The following CACNA1C variants were observed in gnomAD, a reference collection of about 807,000 sequenced individuals.
CACNA1C encodes voltage-dependent L-type calcium channel subunit alpha-1C.
In CACNA1C, 30 loss-of-function variants were observed where a neutral mutation model predicts 229.0. The observed-to-expected ratio is 0.13, with a 90% CI of 0.10 to 0.18. The LOEUF (loss-of-function observed/expected upper bound fraction) is 0.18, where lower values mean the gene tolerates loss of function less well. CACNA1C is among the 10% of genes least tolerant of loss of function. The pLI is 1.00. For missense variants in CACNA1C, 1,658 were observed against 2,845.0 expected, an observed-to-expected ratio of 0.58 and a Z score of 9.49; for synonymous variants, 1,114 against 1,132.5, an observed-to-expected ratio of 0.98 and a Z score of 0.33.
intron 3 of CACNA1C, among the ~76,000 whole-genome samples, chr12:2,315,175 A>G (rs186322310): frequency 1.3e-3 from 199 of 152,280 alleles, no homozygotes; most frequent in Middle Eastern, 3.4e-3. Context: ...TTTTCCACAA[A>G]GTGCCTTATT....
At position 2,679,891 on chromosome 12, in the gene CACNA1C, C is replaced by T. The variant is rs1603450956; in HGVS notation, c.5444+95C>T. On this transcript the variant is annotated intron_variant, in intron 42 of 46. Coordinates refer to ENST00000399655, the MANE Select transcript of CACNA1C (RefSeq NM_000719.7). The surrounding 1 kb of genome is among the most constrained non-coding windows in gnomAD (Gnocchi z 5.5). ...AGGAGACGGAGGCCTCGGCCAGCCA[C>T]TTGTCCCTCAAGCTTCCAGGAGGTT... 4 of 901,478 alleles carry T rather than the reference C, an allele frequency of 4.4e-6. No individual in the cohort carries two copies. The Admixed American group carries it at 1.1e-4, about 25-fold the overall frequency. The allele number at this position is 901,478 out of a possible 1,614,324, so 55.8% of individuals were successfully genotyped here.
intron 3 of CACNA1C, among the ~76,000 whole-genome samples, chr12:2,380,159 T>A (rs1168102375): frequency 2.0e-5 from 3 of 152,166 alleles, no homozygotes; most frequent in Admixed American, 1.3e-4. Flanking sequence ...TGGCTGGGTG[T>A]CCCTTGTATC....
At chr12:2,385,750 A>G (rs1033331623) in intron 3 of CACNA1C, among the ~76,000 whole-genome samples, 2 of 152,156 alleles carry the variant, frequency 1.3e-5, no homozygotes, top group South Asian at 4.1e-4. Flanking sequence ...ACTCCTTAAC[A>G]TGGGCTACAA....
At chr12:2,556,829 G>GCCTCCTT in intron 10 of CACNA1C, 122 bp from the exon 11 acceptor site, 1 of 787,854 alleles carries the variant, frequency 1.3e-6, no homozygotes, top group Non-Finnish European at 2.3e-6. Context: ...TTCACACCAT[G>GCCTCCTT]CCTCCTTCCA....
chr12:2,518,436 G>A (rs1026747793), intron 9 of CACNA1C, among the ~76,000 whole-genome samples: 3 of 151,798 alleles, frequency 2.0e-5, no homozygotes, highest in Non-Finnish European at 1.5e-5. Flanking sequence ...GTGAAACCCC[G>A]TCTCTACTAA....
intron 38 of CACNA1C, among the ~76,000 whole-genome samples, chr12:2,670,586 C>A (rs2096509054): frequency 6.6e-6 from 1 of 152,048 alleles, no homozygotes; most frequent in Admixed American, 6.6e-5. Flanking sequence ...AGGGGCCAGG[C>A]GTGCTGGCTC....
intron 29 of CACNA1C, among the ~76,000 whole-genome samples, chr12:2,621,744 T>C (rs2083364915): frequency 6.6e-6 from 1 of 152,180 alleles, no homozygotes; most frequent in African/African-American, 2.4e-5. Flanking sequence ...CAGAGACGGC[T>C]CCGGGGTTCC....
At chr12:2,532,019 T>C (rs754354606) in intron 9 of CACNA1C, among the ~76,000 whole-genome samples, 7 of 152,178 alleles carry the variant, frequency 4.6e-5, no homozygotes, top group Non-Finnish European at 7.3e-5. Flanking sequence ...TGAGTGACAG[T>C]GGAAAGACAG....
At chr12:2,207,471 G>A (rs1158978781) in intron 3 of CACNA1C, among the ~76,000 whole-genome samples, 2 of 152,130 alleles carry the variant, frequency 1.3e-5, no homozygotes, top group East Asian at 1.9e-4. Flanking sequence ...TTAGGAAATT[G>A]GCTTTGAGTT....
intron 1 of CACNA1C, among the ~76,000 whole-genome samples, chr12:2,102,631 A>G (rs549395532): frequency 5.9e-5 from 9 of 152,126 alleles, no homozygotes; most frequent in Non-Finnish European, 1.3e-4. Context: ...CATGTGCAGA[A>G]TGTGCTTGTT....
chr12:1,985,154 T>C (rs2037339633), intron 1 of CACNA1C, among the ~76,000 whole-genome samples: 1 of 152,198 alleles, frequency 6.6e-6, no homozygotes, highest in Admixed American at 6.5e-5. Context: ...ATCTATACAT[T>C]TGTCTCCTTC....
At position 2,301,676 on chromosome 12, in the gene CACNA1C, C is replaced by T. The variant is rs141379431; in HGVS notation, c.478-147300C>T. Among the ~76,000 whole-genome samples the T allele has an allele frequency of 4.7e-3, 719 of 152,234 alleles. 5 individuals are homozygous for T. The highest frequency in any genetic ancestry group is 0.014 in the Middle Eastern group (4 of 294). ...ACATAGTCCCTGTGAATGTTCTGGGCGACCTGTGACCCAGCCTGATCTCCT... is the reference window on the plus strand; with the variant it reads ...ACATAGTCCCTGTGAATGTTCTGGGTGACCTGTGACCCAGCCTGATCTCCT... On this transcript the variant is annotated intron_variant, in intron 3 of 46. Coordinates refer to ENST00000399655, the MANE Select transcript of CACNA1C (RefSeq NM_000719.7).
chr12:2,424,689 C>G (rs186878395), intron 3 of CACNA1C, among the ~76,000 whole-genome samples: 1 of 152,178 alleles, frequency 6.6e-6, no homozygotes, highest in African/African-American at 2.4e-5. Context: ...CTCCAGGACC[C>G]TTCTGCCTGC....
chr12:2,690,794 C>CG, intron 46 of CACNA1C, 106 bp from the exon 47 acceptor site: 1 of 1,156,644 alleles, frequency 8.6e-7, no homozygotes, highest in Non-Finnish European at 1.2e-6. Flanking sequence ...GCACACTTCC[C>CG]CAAGTGACCT....
At position 2,476,259 on chromosome 12, in the gene CACNA1C, G is replaced by A. The variant is rs562880448; in HGVS notation, c.758-9845G>A. ...GGGAAGGAGCAGCATCTGCCATGAC[G>A]CGGGCCAACAAGTGGCACATGTGTG... On this transcript the variant is annotated intron_variant, in intron 5 of 46. Transcript: ENST00000399655. Among the ~76,000 whole-genome samples the A allele has an allele frequency of 1.6e-3, 250 of 152,348 alleles. 1 individual carries two copies. Among genetic ancestry groups the A allele is most frequent in the Middle Eastern group, 3.4e-3 (1 of 294 alleles).
intron 3 of CACNA1C, among the ~76,000 whole-genome samples, chr12:2,379,754 G>T (rs1039271673): frequency 3.9e-5 from 6 of 152,206 alleles, no homozygotes; most frequent in African/African-American, 2.4e-5. Flanking sequence ...AGACATGGCC[G>T]GGCGCGGTGG....
At chr12:2,465,666 A>T (rs554637551) in intron 5 of CACNA1C, among the ~76,000 whole-genome samples, 1 of 152,164 alleles carries the variant, frequency 6.6e-6, no homozygotes, top group South Asian at 2.1e-4. Flanking sequence ...ACTGCTGTTC[A>T]CTCTCCATAC....
chr12:2,448,740 G>A (rs2099324633), intron 3 of CACNA1C, among the ~76,000 whole-genome samples: 1 of 144,368 alleles, frequency 6.9e-6, no homozygotes, highest in South Asian at 2.3e-4. Context: ...ATATTTACAT[G>A]TTCATGGGGG....
chr12:2,302,007 A>G (rs2154474647), intron 3 of CACNA1C, among the ~76,000 whole-genome samples: 1 of 152,376 alleles, frequency 6.6e-6, no homozygotes, highest in South Asian at 2.1e-4. Flanking sequence ...TACAAAAAGT[A>G]TGATCCAACT....
Sources: gnomAD v4.1 joint callset for allele counts (sites outside exome capture counted in the v4.1 genomes callset) on GRCh38, gnomAD v4.1.1 for gene constraint, Gnocchi (gnomAD v3.1) non-coding constraint, MANE v1.5 for transcripts, NCBI Gene and HGNC (gene_info 2026-07-23, HGNC 2026-07-21) for gene names.